Variants in PDE4B observed in about 807,000 individuals in gnomAD.
The protein encoded by PDE4B is 3',5'-cyclic-AMP phosphodiesterase 4B.
Under a neutral mutation model 82.2 loss-of-function variants are expected in PDE4B, and 20 were observed. That is an observed-to-expected ratio of 0.24 (90% CI 0.17 to 0.35). The LOEUF is 0.35. Ranked by LOEUF, PDE4B falls within the 10% of genes least tolerant of loss-of-function variation. PDE4B has a pLI of 1.00. For missense variants in PDE4B, 655 were observed against 907.2 expected (o/e 0.72, Z 3.57); for synonymous variants, 320 against 318.9 (o/e 1.00, Z -0.04).
intron 3 of PDE4B, among the ~76,000 whole-genome samples, chr1:66,228,887 A>G (rs982334287): frequency 4.3e-5 from 6 of 140,522 alleles, no homozygotes; most frequent in Non-Finnish European, 7.8e-5. Flanking sequence ...GAGTTCTCCT[A>G]TGTTGTAAAG....
At chr1:66,074,742 C>G (rs1418699629) in intron 3 of PDE4B, among the ~76,000 whole-genome samples, 1 of 151,934 alleles carries the variant, frequency 6.6e-6, no homozygotes, top group East Asian at 1.9e-4. Flanking sequence ...AATATGTGGC[C>G]TTTGTGTTTG....
chr1:65,865,496 T>G (rs1365839043), intron 1 of PDE4B, among the ~76,000 whole-genome samples: 1 of 152,002 alleles, frequency 6.6e-6, no homozygotes, highest in Non-Finnish European at 1.5e-5. Flanking sequence ...GCTGCCCAGT[T>G]TTTTGCTTGA....
intron 7 of PDE4B, among the ~76,000 whole-genome samples, chr1:66,272,784 T>C (rs1009333277): frequency 7.4e-6 from 1 of 134,340 alleles, no homozygotes. Flanking sequence ...GAATTCTTTT[T>C]TTTTTTTTTT....
At chr1:66,237,376 T>A (rs1180027985) in intron 3 of PDE4B, among the ~76,000 whole-genome samples, 1 of 152,164 alleles carries the variant, frequency 6.6e-6, no homozygotes, top group African/African-American at 2.4e-5. Context: ...CGTCTCTACC[T>A]CCACCAAAAA....
At chr1:66,080,544 G>C (rs1006332611) in intron 3 of PDE4B, among the ~76,000 whole-genome samples, 3 of 152,080 alleles carry the variant, frequency 2.0e-5, no homozygotes, top group Non-Finnish European at 2.9e-5. Flanking sequence ...AATAGCCTGA[G>C]TTTATAATAA....
At chr1:66,027,050 C>A (rs1330683677) in intron 3 of PDE4B, among the ~76,000 whole-genome samples, 19 of 152,104 alleles carry the variant, frequency 1.2e-4, no homozygotes, top group Admixed American at 1.2e-3. Flanking sequence ...CTTTGTTTTA[C>A]CTGTTAGCTT....
intron 8 of PDE4B, among the ~76,000 whole-genome samples, chr1:66,344,464 A>AT (rs1463271399): frequency 6.6e-6 from 1 of 152,118 alleles, no homozygotes; most frequent in Non-Finnish European, 1.5e-5. Context: ...TTGTATTTAT[A>AT]TTTTTTCTTT....
At chr1:66,370,616 C>T (rs1557736527) in intron 16 of PDE4B, among the ~76,000 whole-genome samples, 1 of 152,178 alleles carries the variant, frequency 6.6e-6, no homozygotes. Context: ...AGCAGTAAAG[C>T]TCTTTACTGG....
At chr1:65,921,332 T>C (rs1237689052) in intron 3 of PDE4B, among the ~76,000 whole-genome samples, 1 of 152,224 alleles carries the variant, frequency 6.6e-6, no homozygotes, top group African/African-American at 2.4e-5. Context: ...AGCTGAAGAC[T>C]GGTGGAATTA....
chr1:66,182,258 A>AT (rs545966484), intron 3 of PDE4B, among the ~76,000 whole-genome samples: 1 of 151,794 alleles, frequency 6.6e-6, no homozygotes, highest in Non-Finnish European at 1.5e-5. Flanking sequence ...ATCTGTACCT[A>AT]TTTTTTTCTG....
intron 3 of PDE4B, among the ~76,000 whole-genome samples, chr1:66,009,291 T>C (rs1180557437): frequency 6.6e-6 from 1 of 152,208 alleles, no homozygotes; most frequent in East Asian, 1.9e-4. Flanking sequence ...TCACCACTTC[T>C]CATCACCAGC....
intron 1 of PDE4B, among the ~76,000 whole-genome samples, chr1:65,801,927 G>T (rs1348510646): frequency 6.6e-6 from 1 of 152,158 alleles, no homozygotes; most frequent in Non-Finnish European, 1.5e-5. Flanking sequence ...AAAGAAGGTT[G>T]GAATTTGCAG....
At chr1:66,332,004 A>G (rs1479930106) in intron 7 of PDE4B, 17 of 1,037,832 alleles carry the variant, frequency 1.6e-5, no homozygotes, top group Non-Finnish European at 2.0e-5. Context: ...CGTAATGGTC[A>G]ACCAGTTTTC....
intron 1 of PDE4B, among the ~76,000 whole-genome samples, chr1:65,836,959 A>G (rs1236748554): frequency 5.9e-5 from 9 of 152,324 alleles, no homozygotes; most frequent in Non-Finnish European, 8.8e-5. Flanking sequence ...AGAGGATTCC[A>G]GAACTCAGGG....
intron 3 of PDE4B, among the ~76,000 whole-genome samples, chr1:66,033,052 G>T (rs1458340828): frequency 6.6e-6 from 1 of 152,062 alleles, no homozygotes; most frequent in African/African-American, 2.4e-5. Flanking sequence ...GCCAAACACC[G>T]CGTTTTATTT....
At chr1:66,052,852 A>C (rs534696707) in intron 3 of PDE4B, among the ~76,000 whole-genome samples, 116 of 152,320 alleles carry the variant, frequency 7.6e-4, no homozygotes, top group African/African-American at 2.5e-3. Flanking sequence ...TCCTCTGAGA[A>C]TCCAGAAGGC....
chr1:66,221,604 T>G (rs940310492), intron 3 of PDE4B, among the ~76,000 whole-genome samples: 1 of 152,204 alleles, frequency 6.6e-6, no homozygotes, highest in African/African-American at 2.4e-5. Flanking sequence ...CCAAATCACA[T>G]AGTAATTCAG....
chr1:66,246,446 A>G (rs1653318364), intron 3 of PDE4B, among the ~76,000 whole-genome samples: 1 of 152,196 alleles, frequency 6.6e-6, no homozygotes, highest in Non-Finnish European at 1.5e-5. Context: ...TCAGCCCCAT[A>G]TCTTTTGTTC....
chr1:66,167,951 T>C (rs1188400329), intron 3 of PDE4B, among the ~76,000 whole-genome samples: 1 of 152,218 alleles, frequency 6.6e-6, no homozygotes, highest in Non-Finnish European at 1.5e-5. Flanking sequence ...GCCTCTCTCT[T>C]TTCTGTTCAG....
Sources: gnomAD v4.1 joint callset for allele counts (sites outside exome capture counted in the v4.1 genomes callset) on GRCh38, gnomAD v4.1.1 for gene constraint, MANE v1.5 for transcripts, NCBI Gene and HGNC (gene_info 2026-07-23, HGNC 2026-07-21) for gene names.